Variants in KAZN observed in about 807,000 individuals in gnomAD.
KAZN encodes kazrin, periplakin interacting protein.
In KAZN, 40 loss-of-function variants were observed where a neutral mutation model predicts 87.4. The ratio of observed to expected loss-of-function variants is 0.46; its 90% CI spans 0.36 to 0.60. KAZN has a LOEUF of 0.60. Among genes scored for constraint, KAZN ranks in the 20% least tolerant of loss-of-function variants. The pLI, the probability that KAZN is intolerant of heterozygous loss-of-function variation, is 0.00. For missense variants in KAZN, 898 were observed against 1,073.9 expected, an observed-to-expected ratio of 0.84 and a Z score of 2.29; for synonymous variants, 466 against 458.3, an observed-to-expected ratio of 1.02 and a Z score of -0.22.
At chr1:14,481,681 CAA>C (rs547365234) in intron 2 of KAZN, among the ~76,000 whole-genome samples, 4 of 138,644 alleles carry the variant, frequency 2.9e-5, no homozygotes, top group South Asian at 2.3e-4. Context: ...ATTGTTTAGG[CAA>C]AAAAAAAAAA....
intron 1 of KAZN, among the ~76,000 whole-genome samples, chr1:13,898,681 G>A (rs191172719): frequency 5.0e-4 from 76 of 152,206 alleles, no homozygotes; most frequent in African/African-American, 1.7e-3. Flanking sequence ...AAGGCTCCTT[G>A]TTTGCATGAT....
intron 2 of KAZN, among the ~76,000 whole-genome samples, chr1:14,350,188 C>T (rs1193176037): frequency 1.3e-5 from 2 of 151,568 alleles, no homozygotes; most frequent in East Asian, 3.9e-4. Flanking sequence ...CCCCCAGTCT[C>T]CAGGATGAGG....
chr1:14,301,750 C>A (rs1654569443), intron 2 of KAZN, among the ~76,000 whole-genome samples: 1 of 152,192 alleles, frequency 6.6e-6, no homozygotes, highest in South Asian at 2.1e-4. Context: ...GAGGCAGGTC[C>A]TAGCTGTGGA....
intron 8 of KAZN, among the ~76,000 whole-genome samples, chr1:15,074,240 C>CCCTCCCTGCCATCCG (rs1553185498): frequency 6.6e-6 from 1 of 152,234 alleles, no homozygotes; most frequent in East Asian, 1.9e-4. Context: ...GTTGGAGGGT[C>CCCTCCCTGCCATCCG]CCTCCCTGCC....
rs373395411 is a variant in KAZN, at chr1:14,354,206, T to C, written c.249+173614T>C. 3.3e-5 allele frequency among the ~76,000 whole-genome samples: 5 copies of C among 152,244 alleles called. No homozygotes were observed. In the South Asian group the frequency reaches 6.2e-4, roughly 19 times the overall value. ...CTGCATTAAAAAAAGCCAAAAACTT[T>C]CAGCTTTTATGTTTGTCTTTTAGAA... On this transcript the variant is annotated intron_variant, in intron 2 of 16. Transcript: ENST00000636203.
chr1:14,197,913 G>C (rs1308240179), intron 2 of KAZN, among the ~76,000 whole-genome samples: 1 of 152,058 alleles, frequency 6.6e-6, no homozygotes, highest in Non-Finnish European at 1.5e-5. Flanking sequence ...AGAATGAAGG[G>C]GATGACATTT....
At position 14,973,953 on chromosome 1, in the gene KAZN, G is replaced by A. The variant is rs552064193; in HGVS notation, c.418+13078G>A. Among the ~76,000 whole-genome samples the A allele has an allele frequency of 3.9e-4, 60 of 151,972 alleles. 2 individuals are homozygous for A. In the South Asian group the frequency reaches 9.9e-3, roughly 25 times the overall value. On this transcript the variant is annotated intron_variant, in intron 2 of 14. Transcript: ENST00000376030. ...TCTTGTGAATCAGGGATTTGGCAGG[G>A]CTCAGCTAGGCGATTCTTAGGTTCT...
Position 14,514,621 on chromosome 1 carries a change from A to ATATTTTATATTTTTTTTTATATTT in KAZN, c.250-84359_250-84358insTTTATATTTTTTTTTATATTTTAT, listed in dbSNP as rs1557770581. ...TATATATATATATATATATATATAT[A>ATATTTTATATTTTTTTTTATATTT]TATATATATATATATATATCTCAAA... is the stretch of plus-strand genomic sequence containing the variant. On this transcript the variant is annotated intron_variant, in intron 2 of 16. Coordinates refer to the KAZN transcript ENST00000636203. 2.5e-4 allele frequency among the ~76,000 whole-genome samples: 11 copies of ATATTTTATATTTTTTTTTATATTT among 43,754 alleles called. 1 individual carries two copies. Among genetic ancestry groups the ATATTTTATATTTTTTTTTATATTT allele is most frequent in the African/African-American group, 8.9e-4 (11 of 12,292 alleles). The allele number at this position is 43,754 out of a possible 152,430, so 28.7% of individuals were successfully genotyped here.
chr1:14,013,849 T>A (rs1433469789), intron 1 of KAZN, among the ~76,000 whole-genome samples: 1 of 152,164 alleles, frequency 6.6e-6, no homozygotes, highest in Non-Finnish European at 1.5e-5. Flanking sequence ...AGGGAACAGA[T>A]TCCTTGGAAG....
chr1:14,216,847 T>A (rs536097287), intron 2 of KAZN, among the ~76,000 whole-genome samples: 1 of 152,242 alleles, frequency 6.6e-6, no homozygotes, highest in Admixed American at 6.5e-5. Flanking sequence ...GAGGCTTCAG[T>A]GAGCTGAGAT....
chr1:14,415,002 G>C (rs986114340), intron 2 of KAZN, among the ~76,000 whole-genome samples: 3 of 152,094 alleles, frequency 2.0e-5, no homozygotes, highest in Non-Finnish European at 4.4e-5. Context: ...CTCCAGCCTG[G>C]GCGATACAGT....
Position 13,976,118 on chromosome 1 carries a change from G to C in KAZN, c.91+82362G>C, listed in dbSNP as rs1019854719. Among the ~76,000 whole-genome samples the C allele has an allele frequency of 2.0e-5, 3 of 152,136 alleles. No individual in the cohort carries two copies. In the East Asian group the frequency reaches 5.8e-4, roughly 29 times the overall value. On this transcript the variant is annotated intron_variant, in intron 1 of 16. Coordinates refer to the KAZN transcript ENST00000636203. ...GTTCTGCTCTCCAAATAATGTCTTC[G>C]TGAGAATTCTTAAAGTTGGCCTCTA...
chr1:13,910,965 A>G (rs1474806820), intron 1 of KAZN, among the ~76,000 whole-genome samples: 1 of 152,058 alleles, frequency 6.6e-6, no homozygotes, highest in Admixed American at 6.5e-5. Context: ...TCCAATCATG[A>G]TGGAAGACAA....
At chr1:14,924,703 G>T in intron 1 of KAZN, 3 of 376,766 alleles carry the variant, frequency 8.0e-6, no homozygotes, top group Non-Finnish European at 1.1e-5. Flanking sequence ...GCAGCGCGCG[G>T]AGCCCCGAGC....
chr1:14,243,013 T>C (rs10803477), intron 2 of KAZN, among the ~76,000 whole-genome samples: 145,659 of 152,316 alleles, frequency 0.96, 69,694 homozygotes, highest in African/African-American at 0.99. Flanking sequence ...GAGAGCAGCA[T>C]GTGACCACGA....
chr1:14,452,878 G>A (rs1667351959), intron 2 of KAZN, among the ~76,000 whole-genome samples: 1 of 152,210 alleles, frequency 6.6e-6, no homozygotes, highest in African/African-American at 2.4e-5. Flanking sequence ...AGCCAGACAA[G>A]CCACAGTAAT....
intron 2 of KAZN, among the ~76,000 whole-genome samples, chr1:14,388,611 T>TTTTA (rs1662156520): frequency 6.6e-6 from 1 of 152,158 alleles, no homozygotes; most frequent in Non-Finnish European, 1.5e-5. Context: ...AAAAAGTCTC[T>TTTTA]TCAATAAATG....
chr1:14,555,081 T>G (rs1206224173), intron 2 of KAZN, among the ~76,000 whole-genome samples: 2 of 152,242 alleles, frequency 1.3e-5, no homozygotes, highest in East Asian at 1.9e-4. Context: ...GGCTTGGGTC[T>G]CCTATCTGCT....
At chr1:14,426,369 T>C (rs1665725957) in intron 2 of KAZN, among the ~76,000 whole-genome samples, 1 of 152,200 alleles carries the variant, frequency 6.6e-6, no homozygotes, top group Non-Finnish European at 1.5e-5. Flanking sequence ...GACTTACCTA[T>C]GTGTTTATTG....
Sources: allele counts gnomAD v4.1 joint callset (sites outside exome capture counted in the v4.1 genomes callset), GRCh38; gene constraint gnomAD v4.1.1; transcripts MANE v1.5; gene names NCBI Gene and HGNC (gene_info 2026-07-23, HGNC 2026-07-21).